Variants in GFRAL observed in about 807,000 individuals in gnomAD.
The protein encoded by GFRAL is GDNF family receptor alpha-like.
In GFRAL, 36 loss-of-function variants were observed where a neutral mutation model predicts 45.4. The ratio of observed to expected loss-of-function variants is 0.79; its 90% confidence interval spans 0.61 to 1.05. The LOEUF is 1.05. Ranked by LOEUF, GFRAL falls within the 50% of genes least tolerant of loss-of-function variation. GFRAL has a pLI of 0.00. For synonymous variants in GFRAL, 166 were observed against 154.1 expected, an observed-to-expected ratio of 1.08 and a Z score of -0.57; for missense variants, 507 against 467.5, an observed-to-expected ratio of 1.08 and a Z score of -0.78.
At chr6:55,354,787 AACAGGGC>A (rs1460831963) in intron 5 of GFRAL, among the ~76,000 whole-genome samples, 1 of 152,040 alleles carries the variant, frequency 6.6e-6, no homozygotes. Flanking sequence ...ACATAGGCAA[AACAGGGC>A]ACTTCAGTTT....
Position 55,340,888 on chromosome 6 carries a change from G to T in GFRAL, c.316+6944G>T, listed in dbSNP as rs561143145. Among the ~76,000 whole-genome samples, 21 of 152,280 alleles carry T rather than the reference G, an allele frequency of 1.4e-4. 1 individual carries two copies. In the South Asian group the frequency reaches 4.4e-3, roughly 32 times the overall value. ...ACCAGGAGATTATATCCCGTGCCTG[G>T]CTTGGAGGGTCCCACGCCCATGGAG... On this transcript the variant is annotated intron_variant, in intron 3 of 8. Coordinates refer to ENST00000340465, the MANE Select transcript of GFRAL (RefSeq NM_207410.2).
At chr6:55,379,411 A>G (rs2127362741) in intron 6 of GFRAL, among the ~76,000 whole-genome samples, 1 of 152,116 alleles carries the variant, frequency 6.6e-6, no homozygotes, top group African/African-American at 2.4e-5. Flanking sequence ...GAATTGAACC[A>G]TTAGGCTTCT....
At chr6:55,344,739 G>T (rs1260084007) in intron 3 of GFRAL, among the ~76,000 whole-genome samples, 1 of 152,176 alleles carries the variant, frequency 6.6e-6, no homozygotes, top group African/African-American at 2.4e-5. Flanking sequence ...TAGGAAAAGA[G>T]AAAGTCAAAT....
At chr6:55,358,799 C>A in intron 5 of GFRAL, 89 bp from the exon 6 acceptor site, 1 of 1,263,762 alleles carries the variant, frequency 7.9e-7, no homozygotes, top group Non-Finnish European at 1.1e-6. Context: ...GCATTGTGTT[C>A]TATGTCTTTC....
chr6:55,342,768 T>C (rs1767986138), intron 3 of GFRAL, among the ~76,000 whole-genome samples: 1 of 152,094 alleles, frequency 6.6e-6, no homozygotes, highest in African/African-American at 2.4e-5. Flanking sequence ...CAGTGTGCTG[T>C]ATTCAGGAGA....
chr6:55,377,133 C>T (rs1456707464), intron 6 of GFRAL, among the ~76,000 whole-genome samples: 1 of 152,026 alleles, frequency 6.6e-6, no homozygotes, highest in Non-Finnish European at 1.5e-5. Context: ...TATCTGATCT[C>T]CTTTGCAAAT....
intron 5 of GFRAL, among the ~76,000 whole-genome samples, chr6:55,357,521 T>C (rs1768211250): frequency 6.6e-6 from 1 of 151,794 alleles, no homozygotes; most frequent in African/African-American, 2.4e-5. Flanking sequence ...AGAATATCTT[T>C]TTCCATCCCT....
chr6:55,352,829 C>T (rs1342716818), intron 5 of GFRAL, among the ~76,000 whole-genome samples: 1 of 151,860 alleles, frequency 6.6e-6, no homozygotes, highest in Non-Finnish European at 1.5e-5. Flanking sequence ...TAATGTTAGT[C>T]GTTTATTTAT....
chr6:55,398,501 A>T (rs1161264246), intron 6 of GFRAL, among the ~76,000 whole-genome samples: 3 of 152,238 alleles, frequency 2.0e-5, no homozygotes, highest in Non-Finnish European at 4.4e-5. Flanking sequence ...CTATCAGTTA[A>T]TTGTAACAAT....
intron 3 of GFRAL, among the ~76,000 whole-genome samples, chr6:55,344,190 A>C (rs949923744): frequency 2.6e-5 from 4 of 152,162 alleles, no homozygotes; most frequent in Non-Finnish European, 5.9e-5. Context: ...TCATTTTATG[A>C]GACCAGCATC....
At chr6:55,361,628 T>C (rs1163014296) in intron 6 of GFRAL, among the ~76,000 whole-genome samples, 1 of 151,860 alleles carries the variant, frequency 6.6e-6, no homozygotes, top group Non-Finnish European at 1.5e-5. Flanking sequence ...ATAGGAAAAA[T>C]TCCAAACAAA....
At position 55,368,627 on chromosome 6, in the gene GFRAL, A is replaced by G. The variant is rs535685211; in HGVS notation, c.952+9489A>G. On this transcript the variant is annotated intron_variant, in intron 6 of 8. Transcript: ENST00000340465. ...ATGTACAGATGGGTTTTTGGTGTGG[A>G]TGTCCTTTCTGTTTGTTAGTTTTCC... is the stretch of plus-strand genomic sequence containing the variant. Among the ~76,000 whole-genome samples, 11 of 152,164 alleles carry G rather than the reference A, an allele frequency of 7.2e-5. No individual in the cohort carries two copies. The South Asian group carries it at 2.1e-3, about 29-fold the overall frequency.
chr6:55,355,721 C>T (rs961193273), intron 5 of GFRAL, among the ~76,000 whole-genome samples: 2 of 151,862 alleles, frequency 1.3e-5, no homozygotes, highest in African/African-American at 2.4e-5. Flanking sequence ...TTTTCCTTCT[C>T]TTGTCTAATT....
intron 6 of GFRAL, among the ~76,000 whole-genome samples, chr6:55,391,195 A>T (rs1212877476): frequency 6.6e-6 from 1 of 152,064 alleles, no homozygotes; most frequent in Non-Finnish European, 1.5e-5. Context: ...GGGGAGACAG[A>T]CTTAGTTCTC....
intron 6 of GFRAL, among the ~76,000 whole-genome samples, chr6:55,386,569 C>A (rs1338492235): frequency 6.6e-6 from 1 of 152,140 alleles, no homozygotes; most frequent in African/African-American, 2.4e-5. Context: ...AGCTTCCCCT[C>A]ATCTCTCTCA....
At chr6:55,343,161 T>C (rs1165344572) in intron 3 of GFRAL, among the ~76,000 whole-genome samples, 1 of 152,126 alleles carries the variant, frequency 6.6e-6, no homozygotes, top group Non-Finnish European at 1.5e-5. Context: ...TGAACTCAGC[T>C]CTGCACCAAG....
At chr6:55,389,879 A>G (rs548063330) in intron 6 of GFRAL, among the ~76,000 whole-genome samples, 1 of 152,364 alleles carries the variant, frequency 6.6e-6, no homozygotes, top group Non-Finnish European at 1.5e-5. Flanking sequence ...TTATGAATAA[A>G]AGGAATGTGG....
At chr6:55,350,451 G>A (rs913136396) in intron 4 of GFRAL, among the ~76,000 whole-genome samples, 1 of 152,068 alleles carries the variant, frequency 6.6e-6, no homozygotes, top group Non-Finnish European at 1.5e-5. Flanking sequence ...GAGGTAGGTG[G>A]ATCATTTGAT....
chr6:55,356,258 T>C (rs1192352818), intron 5 of GFRAL, among the ~76,000 whole-genome samples: 1 of 151,990 alleles, frequency 6.6e-6, no homozygotes, highest in Non-Finnish European at 1.5e-5. Flanking sequence ...AAGTATTCCC[T>C]CCTCTATTGT....
Sources: allele counts gnomAD v4.1 joint callset (sites outside exome capture counted in the v4.1 genomes callset), GRCh38; gene constraint gnomAD v4.1.1; transcripts MANE v1.5; gene names NCBI Gene and HGNC (gene_info 2026-07-23, HGNC 2026-07-21).